The following DAAM1 variants were observed in gnomAD, a reference collection of about 807,000 sequenced individuals.
The protein encoded by DAAM1 is dishevelled associated activator of morphogenesis 1, also known as disheveled-associated activator of morphogenesis 1.
A neutral mutation model predicts 130.0 loss-of-function variants in DAAM1; 52 were observed. The observed-to-expected ratio is 0.40, with a 90% CI of 0.32 to 0.50. The LOEUF is 0.50. Ranked by LOEUF, DAAM1 falls within the 20% of genes least tolerant of loss-of-function variation. The pLI is 0.61. For synonymous variants in DAAM1, 452 were observed against 444.5 expected (o/e 1.02, Z -0.21); for missense variants, 1,134 against 1,303.8 (o/e 0.87, Z 2.01).
chr14:59,210,108 C>A (rs541527935), intron 1 of DAAM1, among the ~76,000 whole-genome samples: 108 of 152,256 alleles, frequency 7.1e-4, no homozygotes, highest in Non-Finnish European at 9.6e-4. Context: ...AGCCAGTGCA[C>A]CCCAGCCCGA....
At chr14:59,262,574 C>G (rs998903766) in intron 1 of DAAM1, among the ~76,000 whole-genome samples, 5 of 151,692 alleles carry the variant, frequency 3.3e-5, no homozygotes, top group Admixed American at 6.6e-5. Context: ...TCATGTACTC[C>G]TATAGCATTT....
At chr14:59,324,070 C>A in intron 6 of DAAM1, 58 bp from the exon 7 acceptor site, 1 of 1,142,442 alleles carries the variant, frequency 8.8e-7, no homozygotes, top group Non-Finnish European at 1.2e-6. Flanking sequence ...TAAAAAAATT[C>A]ATAAAATGAG....
intron 1 of DAAM1, among the ~76,000 whole-genome samples, chr14:59,241,311 G>C (rs1881104592): frequency 6.6e-6 from 1 of 152,150 alleles, no homozygotes; most frequent in African/African-American, 2.4e-5. Flanking sequence ...CTTTAGAAAA[G>C]GTCCTTTCAC....
intron 16 of DAAM1, among the ~76,000 whole-genome samples, chr14:59,345,115 A>G (rs1347735334): frequency 2.0e-5 from 3 of 152,190 alleles, no homozygotes; most frequent in African/African-American, 7.2e-5. Context: ...AAGGGCCTCT[A>G]GTGTCCTGGA....
At chr14:59,343,624 A>T (rs963879264) in intron 16 of DAAM1, among the ~76,000 whole-genome samples, 8 of 152,208 alleles carry the variant, frequency 5.3e-5, no homozygotes, top group African/African-American at 1.9e-4. Context: ...TTGTGTTCAC[A>T]GTATTTAAGA....
intron 1 of DAAM1, among the ~76,000 whole-genome samples, chr14:59,215,846 A>G (rs1049851506): frequency 6.6e-6 from 1 of 152,202 alleles, no homozygotes; most frequent in Non-Finnish European, 1.5e-5. Context: ...TGGGTCATAT[A>G]TTGACAGTAA....
intron 16 of DAAM1, among the ~76,000 whole-genome samples, chr14:59,343,627 A>ATT (rs1885938366): frequency 6.6e-6 from 1 of 152,152 alleles, no homozygotes; most frequent in Non-Finnish European, 1.5e-5. Context: ...TGTTCACAGT[A>ATT]TTTAAGATTA....
intron 5 of DAAM1, 23 bp downstream of exon 5, chr14:59,320,607 G>GTTT: frequency 1.8e-5 from 23 of 1,248,092 alleles, no homozygotes; most frequent in South Asian, 8.4e-5. Context: ...TGGATGGCAT[G>GTTT]TTTTTTTTTT....
At chr14:59,195,385 C>T (rs992942834) in intron 1 of DAAM1, among the ~76,000 whole-genome samples, 4 of 152,008 alleles carry the variant, frequency 2.6e-5, no homozygotes, top group African/African-American at 4.8e-5. Context: ...TCTCGTGATC[C>T]GCCTGCCTCG....
intron 21 of DAAM1, among the ~76,000 whole-genome samples, chr14:59,360,130 G>A (rs1007402812): frequency 2.6e-5 from 4 of 151,992 alleles, no homozygotes; most frequent in African/African-American, 9.7e-5. Flanking sequence ...ACTAAATAAG[G>A]CATGAAATTA....
intron 20 of DAAM1, among the ~76,000 whole-genome samples, chr14:59,356,866 C>CT (rs1201192194): frequency 2.6e-5 from 4 of 152,184 alleles, no homozygotes; most frequent in Non-Finnish European, 5.9e-5. Context: ...TCTGTTTCCT[C>CT]TTTTTTTTCT....
At chr14:59,202,221 G>T (rs774937202) in intron 1 of DAAM1, among the ~76,000 whole-genome samples, 1 of 152,146 alleles carries the variant, frequency 6.6e-6, no homozygotes, top group Non-Finnish European at 1.5e-5. Context: ...CTCCTCTGGC[G>T]TCATAGACGT....
At chr14:59,191,009 T>G (rs1887714345) in intron 1 of DAAM1, among the ~76,000 whole-genome samples, 1 of 152,252 alleles carries the variant, frequency 6.6e-6, no homozygotes, top group African/African-American at 2.4e-5. Flanking sequence ...TTTTTATAGA[T>G]TCCTAATGAA....
chr14:59,243,265 G>A (rs546218863), intron 1 of DAAM1, among the ~76,000 whole-genome samples: 1 of 152,134 alleles, frequency 6.6e-6, no homozygotes, highest in South Asian at 2.1e-4. Context: ...ACTGCTTTGT[G>A]TAGGTCCAGA....
chr14:59,227,057 C>T (rs1244480150), intron 1 of DAAM1, among the ~76,000 whole-genome samples: 1 of 152,140 alleles, frequency 6.6e-6, no homozygotes, highest in Non-Finnish European at 1.5e-5. Flanking sequence ...GTAGAATTTC[C>T]AGTAAAACTG....
chr14:59,281,471 G>T (rs770451887), intron 2 of DAAM1, among the ~76,000 whole-genome samples: 1 of 152,038 alleles, frequency 6.6e-6, no homozygotes, highest in Non-Finnish European at 1.5e-5. Context: ...ATTGGACTTC[G>T]CATGCAGTGA....
chr14:59,361,610 A>G (rs1030187177), intron 22 of DAAM1, among the ~76,000 whole-genome samples: 25 of 152,200 alleles, frequency 1.6e-4, no homozygotes, highest in Non-Finnish European at 1.8e-4. Context: ...CCTCTGAGGA[A>G]GGAAAACCAG....
chr14:59,367,612 T>C lies in DAAM1; in HGVS notation c.2997+13T>C. 1 of 1,609,100 alleles carries C rather than the reference T, an allele frequency of 6.2e-7. No individual in the cohort carries two copies. Reference sequence around the variant, plus strand: ...CATGGAAGCTCAGGTGAGAGGATGATTAATTGACCAATTCCACCTCCTAGA... The same window carrying C: ...CATGGAAGCTCAGGTGAGAGGATGACTAATTGACCAATTCCACCTCCTAGA... On this transcript the variant is annotated intron_variant, in intron 24 of 24. Coordinates refer to ENST00000360909, the MANE Select transcript of DAAM1 (RefSeq NM_001270520.2).
chr14:59,231,313 C>T (rs1354465891), intron 1 of DAAM1, among the ~76,000 whole-genome samples: 1 of 151,930 alleles, frequency 6.6e-6, no homozygotes, highest in Non-Finnish European at 1.5e-5. Context: ...CAGATGTAAG[C>T]ACAAGAAATA....
Sources: gnomAD v4.1 joint callset for allele counts (sites outside exome capture counted in the v4.1 genomes callset) on GRCh38, gnomAD v4.1.1 for gene constraint, MANE v1.5 for transcripts, NCBI Gene and HGNC (gene_info 2026-07-23, HGNC 2026-07-21) for gene names.